PTPRN2: variants seen among roughly 807,000 people sequenced by gnomAD.
PTPRN2 encodes protein tyrosine phosphatase receptor type N2, also known as receptor-type tyrosine-protein phosphatase N2.
In PTPRN2, 74 loss-of-function variants were observed where a neutral mutation model predicts 118.8. That is an observed-to-expected ratio of 0.62 (90% CI 0.52 to 0.76). The LOEUF (loss-of-function observed/expected upper bound fraction) is 0.76. Among genes scored for constraint, PTPRN2 ranks in the 30% least tolerant of loss-of-function variants. PTPRN2 has a pLI of 0.00. For synonymous variants in PTPRN2, 641 were observed against 608.0 expected (o/e 1.05, Z -0.80); for missense variants, 1,481 against 1,394.4 (o/e 1.06, Z -0.99).
At position 157,957,086 on chromosome 7, in the gene PTPRN2, T is replaced by A. The variant is rs553948481; in HGVS notation, c.1724-58349A>T. Among the ~76,000 whole-genome samples, 3 of 152,282 alleles carry A rather than the reference T, an allele frequency of 2.0e-5. No individual in the cohort carries two copies. The East Asian group carries it at 5.8e-4, about 29-fold the overall frequency. Reference sequence around the variant, plus strand: ...TTGGGAAATGGAAATACATTTGACCTCCATGGCTCAGAGAGGTTCAGAAGG... The same window carrying A: ...TTGGGAAATGGAAATACATTTGACCACCATGGCTCAGAGAGGTTCAGAAGG... On this transcript the variant is annotated intron_variant, in intron 11 of 22. Transcript: ENST00000389418.
chr7:158,383,125 A>T (rs1374458673), intron 2 of PTPRN2, among the ~76,000 whole-genome samples: 5 of 152,164 alleles, frequency 3.3e-5, no homozygotes, highest in Admixed American at 2.6e-4. Context: ...TTAACACATG[A>T]GGGGCCCTGA....
chr7:158,137,242 C>A (rs1430794910), intron 7 of PTPRN2, among the ~76,000 whole-genome samples: 1 of 152,028 alleles, frequency 6.6e-6, no homozygotes, highest in East Asian at 1.9e-4. Flanking sequence ...CAGGCGAAAC[C>A]CCGTCTCTAC....
At chr7:158,138,538 A>C in intron 6 of PTPRN2, 23 bp from the exon 7 acceptor site, 4 of 1,593,592 alleles carry the variant, frequency 2.5e-6, no homozygotes, top group Admixed American at 1.7e-5. Flanking sequence ...ACACAAACAC[A>C]AGGACGTTGT....
intron 11 of PTPRN2, among the ~76,000 whole-genome samples, chr7:157,946,085 T>C (rs1356570322): frequency 6.6e-6 from 1 of 152,180 alleles, no homozygotes; most frequent in Non-Finnish European, 1.5e-5. Context: ...GCTCCTGGTT[T>C]CAAACTTCTC....
intron 2 of PTPRN2, among the ~76,000 whole-genome samples, chr7:158,447,145 A>G (rs184484315): frequency 5.3e-5 from 8 of 152,262 alleles, no homozygotes; most frequent in Admixed American, 4.6e-4. Context: ...TTCCCAAGCA[A>G]GGACAGAGCC....
intron 11 of PTPRN2, among the ~76,000 whole-genome samples, chr7:157,936,614 G>A (rs911107593): frequency 7.0e-6 from 1 of 143,644 alleles, no homozygotes; most frequent in Admixed American, 6.8e-5. Flanking sequence ...TCCTCCACTC[G>A]GAAGCCAGGG....
Position 157,943,854 on chromosome 7 carries a change from C to T in PTPRN2, c.1724-45117G>A, listed in dbSNP as rs191400941. Among the ~76,000 whole-genome samples, 35 of 152,250 alleles carry T rather than the reference C, an allele frequency of 2.3e-4. No homozygotes were observed. The East Asian group carries it at 5.8e-3, about 25-fold the overall frequency. ...CAGGAAGATGGAAGTTCACAGAGGC[C>T]GCAGGTGTCTAAGGGTCAAGTTGAT... On this transcript the variant is annotated intron_variant, in intron 11 of 22. Transcript: ENST00000389418.
intron 12 of PTPRN2, among the ~76,000 whole-genome samples, chr7:157,737,992 T>TC: frequency 6.6e-6 from 1 of 152,174 alleles, no homozygotes; most frequent in East Asian, 1.9e-4. Context: ...CACTCACCCC[T>TC]CCTCTCTTCT....
In PTPRN2 at chr7:158,472,010, T is replaced by C. The variant is rs558547140; in HGVS notation, c.163+17725A>G. On this transcript the variant is annotated intron_variant, in intron 2 of 22. Transcript: ENST00000389418. ...TTCCGGCCCCGCCACGGTTCCGGCC[T>C]CGCCACGGTTCCTGCCCCACCACGG... is the stretch of plus-strand genomic sequence containing the variant. 5.6e-3 allele frequency among the ~76,000 whole-genome samples: 856 copies of C among 151,634 alleles called. 12 individuals are homozygous for C. The highest frequency in any genetic ancestry group is 0.019 in the African/African-American group (793 of 41,274).
At position 158,544,909 on chromosome 7, in the gene PTPRN2, A is replaced by T. The variant is rs1168297972; in HGVS notation, c.112+42649T>A. On this transcript the variant is annotated intron_variant, in intron 1 of 22. Transcript: ENST00000389418. The surrounding 1 kb of genome is among the most constrained non-coding windows in gnomAD (Gnocchi z 4.2). ...CCACACTGGTGCTCACACTCACGTG[A>T]TCACACCCACTCTTTCTTCTTGTGG... 6.6e-6 allele frequency among the ~76,000 whole-genome samples: 1 copy of T among 152,142 alleles called. No homozygotes were observed. The highest frequency in any genetic ancestry group is 1.9e-4 in the East Asian group (1 of 5,176).
intron 17 of PTPRN2, among the ~76,000 whole-genome samples, chr7:157,588,754 C>T (rs542223295): frequency 1.1e-3 from 171 of 152,268 alleles, no homozygotes; most frequent in African/African-American, 3.9e-3. Flanking sequence ...TTTATAGAGA[C>T]GTCTTCATGT....
At chr7:158,474,551 A>G (rs1586756803) in intron 2 of PTPRN2, among the ~76,000 whole-genome samples, 1 of 152,232 alleles carries the variant, frequency 6.6e-6, no homozygotes, top group Non-Finnish European at 1.5e-5. Context: ...TGCACAGAGC[A>G]TGCCCATGTG....
At chr7:157,898,613 C>T (rs375779415) in intron 12 of PTPRN2, 60 bp downstream of exon 12, 25 of 1,480,908 alleles carry the variant, frequency 1.7e-5, no homozygotes, top group Middle Eastern at 1.8e-4. Flanking sequence ...TCACGGTGTT[C>T]GCCAGCACCC....
chr7:157,789,464 G>C (rs1241128170), intron 12 of PTPRN2, among the ~76,000 whole-genome samples: 1 of 152,210 alleles, frequency 6.6e-6, no homozygotes, highest in Non-Finnish European at 1.5e-5. Flanking sequence ...CAGCTCTCAG[G>C]AGGCTCGTGG....
chr7:157,872,922 C>A (rs191652189), intron 12 of PTPRN2, among the ~76,000 whole-genome samples: 262 of 152,348 alleles, frequency 1.7e-3, no homozygotes, highest in Non-Finnish European at 1.4e-3. Flanking sequence ...CCTCCCCTTG[C>A]TGGGAGCACT....
chr7:157,872,267 CCACA>C, intron 12 of PTPRN2, among the ~76,000 whole-genome samples: 1 of 148,864 alleles, frequency 6.7e-6, no homozygotes, highest in Admixed American at 6.7e-5. Flanking sequence ...AGTGTCCTCC[CCACA>C]CACACATACC....
chr7:157,806,634 A>G (rs564688044), intron 12 of PTPRN2, among the ~76,000 whole-genome samples: 15 of 152,236 alleles, frequency 9.9e-5, no homozygotes, highest in Admixed American at 8.5e-4. Context: ...GTGCATACGC[A>G]TGTATGTGTG....
At chr7:158,355,308 T>C (rs1288934957) in intron 2 of PTPRN2, among the ~76,000 whole-genome samples, 1 of 152,234 alleles carries the variant, frequency 6.6e-6, no homozygotes, top group African/African-American at 2.4e-5. Context: ...ATTTCCTAAA[T>C]TGAGACCAAT....
chr7:157,905,661 A>T (rs999829959), intron 11 of PTPRN2, among the ~76,000 whole-genome samples: 20 of 152,234 alleles, frequency 1.3e-4, no homozygotes, highest in African/African-American at 4.8e-4. Context: ...AGGCAGCTAC[A>T]GTGGAATAAT....
Sources: allele counts gnomAD v4.1 joint callset (sites outside exome capture counted in the v4.1 genomes callset), GRCh38; gene constraint gnomAD v4.1.1; non-coding constraint Gnocchi (gnomAD v3.1); transcripts MANE v1.5; gene names NCBI Gene and HGNC (gene_info 2026-07-23, HGNC 2026-07-21).